CSMD1: variants seen among roughly 807,000 people sequenced by gnomAD.
CSMD1 encodes CUB and Sushi multiple domains 1, also known as CUB and sushi domain-containing protein 1.
In CSMD1, 213 loss-of-function variants were observed where a neutral mutation model predicts 417.5. The observed-to-expected ratio is 0.51, with a 90% CI of 0.46 to 0.57. The LOEUF (loss-of-function observed/expected upper bound fraction) is 0.57. Among genes scored for constraint, CSMD1 ranks in the 20% least tolerant of loss-of-function variants. The probability of loss-of-function intolerance (pLI) is 0.00; values close to 1 mark genes in which losing one functional copy is unlikely to be tolerated. For missense variants in CSMD1, 6,923 were observed against 4,529.7 expected (o/e 1.53, Z -15.17); for synonymous variants, 2,862 against 1,736.8 (o/e 1.65, Z -16.11).
chr8:4,374,208 A>T (rs568977940), intron 3 of CSMD1, among the ~76,000 whole-genome samples: 5 of 152,252 alleles, frequency 3.3e-5, no homozygotes, highest in African/African-American at 1.2e-4. Flanking sequence ...GCTTTGAGGA[A>T]GGATTAACAG....
In CSMD1 at chr8:4,388,085, A is replaced by G. The variant is rs578062144; in HGVS notation, c.415+31868T>C. On this transcript the variant is annotated intron_variant, in intron 3 of 69. Coordinates refer to ENST00000635120, the MANE Select transcript of CSMD1 (RefSeq NM_033225.6). ...CTCATTTGGACTAATGTCAGAAGTA[A>G]ACCAGGACTAAAGATACAGCTGTCT... Among the ~76,000 whole-genome samples the G allele has an allele frequency of 6.6e-5, 10 of 152,298 alleles. No homozygotes were observed. In the South Asian group the frequency reaches 2.1e-3, roughly 32 times the overall value.
chr8:3,868,956 C>T (rs1805292249), intron 5 of CSMD1, among the ~76,000 whole-genome samples: 1 of 152,180 alleles, frequency 6.6e-6, no homozygotes, highest in Admixed American at 6.5e-5. Flanking sequence ...CCATTACAAC[C>T]TAAGTCACAT....
intron 47 of CSMD1, among the ~76,000 whole-genome samples, chr8:3,094,352 A>G (rs1208840866): frequency 6.6e-6 from 1 of 151,818 alleles, no homozygotes; most frequent in Non-Finnish European, 1.5e-5. Flanking sequence ...TGATCCATTC[A>G]CCTCGGTCTC....
chr8:3,562,260 G>A (rs1180225198), intron 10 of CSMD1, among the ~76,000 whole-genome samples: 1 of 152,084 alleles, frequency 6.6e-6, no homozygotes, highest in Non-Finnish European at 1.5e-5. Context: ...TAGTGGCATG[G>A]AGGCCACAAA....
rs1228547428 is a variant in CSMD1, at chr8:2,935,403, T to C, written c.*3182A>G. On this transcript the variant is annotated 3_prime_UTR_variant, in exon 70 of 70. Transcript: ENST00000635120. ...TTAGAACTCTGATTTGCTTTAAAGA[T>C]TGGTGGCATTGCACAGGCTATATTA... is the stretch of plus-strand genomic sequence containing the variant. 1 of 152,188 alleles carries C rather than the reference T, an allele frequency of 6.6e-6. No homozygotes were observed. The highest frequency in any genetic ancestry group is 2.4e-5 in the African/African-American group (1 of 41,446). 9.4% of individuals were successfully genotyped at this position (152,188 alleles called of 1,614,324 possible).
chr8:4,569,995 TGA>T (rs1798807344), intron 2 of CSMD1, among the ~76,000 whole-genome samples: 1 of 152,234 alleles, frequency 6.6e-6, no homozygotes, highest in African/African-American at 2.4e-5. Flanking sequence ...TTTTGTATCC[TGA>T]GACTTTGCTG....
At chr8:4,925,428 C>G (rs747212797) in intron 1 of CSMD1, among the ~76,000 whole-genome samples, 4 of 151,832 alleles carry the variant, frequency 2.6e-5, no homozygotes, top group Admixed American at 2.6e-4. Context: ...ACCTTTCCTA[C>G]AGAACTTACT....
chr8:2,963,167 T>C (rs1425214657), intron 60 of CSMD1, 55 bp downstream of exon 60: 5 of 1,583,430 alleles, frequency 3.2e-6, no homozygotes, highest in Non-Finnish European at 4.3e-6. Flanking sequence ...GCCCTGGTTA[T>C]CCGTCCCTGT....
intron 3 of CSMD1, among the ~76,000 whole-genome samples, chr8:4,084,396 A>AT (rs1255669707): frequency 6.6e-6 from 1 of 152,158 alleles, no homozygotes; most frequent in Non-Finnish European, 1.5e-5. Flanking sequence ...TGCGATTTAA[A>AT]TTTTTTAAAT....
At chr8:3,759,637 T>C (rs112513720) in intron 5 of CSMD1, among the ~76,000 whole-genome samples, 7,198 of 151,450 alleles carry the variant, frequency 0.048, 607 homozygotes, top group African/African-American at 0.17. Flanking sequence ...CTCACACCTG[T>C]AATTTCAGCA....
At chr8:3,907,909 T>G (rs916872748) in intron 5 of CSMD1, among the ~76,000 whole-genome samples, 4 of 152,202 alleles carry the variant, frequency 2.6e-5, no homozygotes, top group Non-Finnish European at 5.9e-5. Context: ...ATTCTTGTCC[T>G]CTGGAAACAA....
At chr8:3,052,845 G>C (rs561779015) in intron 49 of CSMD1, among the ~76,000 whole-genome samples, 198 bp from the exon 50 acceptor site, 2 of 146,090 alleles carry the variant, frequency 1.4e-5, no homozygotes, top group Non-Finnish European at 3.0e-5. Flanking sequence ...GCAATGACTC[G>C]ATCTCAGCTC....
rs571443607 is a variant in CSMD1, at chr8:3,656,876, G to A, written c.1010-40079C>T. 8.6e-5 allele frequency among the ~76,000 whole-genome samples: 13 copies of A among 150,864 alleles called. No homozygotes were observed. In the East Asian group the frequency reaches 2.5e-3, roughly 30 times the overall value. Reference sequence around the variant, plus strand: ...GGTGGCAGAGGTGGCAGTGAGCCAAGATCACACCACTGCACTCCAGCCTGG... The same window carrying A: ...GGTGGCAGAGGTGGCAGTGAGCCAAAATCACACCACTGCACTCCAGCCTGG... On this transcript the variant is annotated intron_variant, in intron 7 of 69. Coordinates refer to ENST00000635120, the MANE Select transcript of CSMD1 (RefSeq NM_033225.6).
chr8:3,826,669 T>A (rs1481167293), intron 5 of CSMD1, among the ~76,000 whole-genome samples: 2 of 152,314 alleles, frequency 1.3e-5, no homozygotes, highest in Non-Finnish European at 2.9e-5. Flanking sequence ...GGCATGGGTT[T>A]TGAGGAACCA....
intron 5 of CSMD1, among the ~76,000 whole-genome samples, chr8:3,769,798 T>C (rs73658239): frequency 0.016 from 2,448 of 152,292 alleles, 49 homozygotes; most frequent in African/African-American, 0.056. Flanking sequence ...TTATAGCACA[T>C]CACCTTACGA....
intron 3 of CSMD1, among the ~76,000 whole-genome samples, chr8:4,112,796 C>G (rs1374039661): frequency 6.6e-6 from 1 of 152,188 alleles, no homozygotes; most frequent in African/African-American, 2.4e-5. Flanking sequence ...GAATTTTATA[C>G]ACACAGACAT....
At chr8:3,704,873 G>A (rs530705417) in intron 7 of CSMD1, 2 of 152,394 alleles carry the variant, frequency 1.3e-5, no homozygotes, top group African/African-American at 2.4e-5. Context: ...AGTGAGCAGA[G>A]GGGAGGGTAA....
chr8:3,845,605 G>T (rs1043716988), intron 5 of CSMD1, among the ~76,000 whole-genome samples: 2 of 152,008 alleles, frequency 1.3e-5, no homozygotes, highest in South Asian at 2.1e-4. Context: ...ACTACTGCGG[G>T]ATCTATAAAT....
intron 5 of CSMD1, among the ~76,000 whole-genome samples, chr8:3,971,294 C>T (rs1813071116): frequency 6.6e-6 from 1 of 152,182 alleles, no homozygotes; most frequent in South Asian, 2.1e-4. Flanking sequence ...CTCACCTCCT[C>T]ATGGGTTCTC....
Sources: gnomAD v4.1 joint callset for allele counts (sites outside exome capture counted in the v4.1 genomes callset) on GRCh38, gnomAD v4.1.1 for gene constraint, MANE v1.5 for transcripts, NCBI Gene and HGNC (gene_info 2026-07-23, HGNC 2026-07-21) for gene names.